Variants in PHACTR3 observed in about 807,000 individuals in gnomAD.
The protein encoded by PHACTR3 is phosphatase and actin regulator 3.
PHACTR3 carries 16 observed loss-of-function variants against 66.8 expected under a neutral mutation model. The ratio of observed to expected loss-of-function variants is 0.24; its 90% CI spans 0.16 to 0.36. The LOEUF is 0.36. PHACTR3 is among the 10% of genes least tolerant of loss of function. The pLI, the probability that PHACTR3 is intolerant of heterozygous loss-of-function variation, is 1.00. For missense variants in PHACTR3, 647 were observed against 719.9 expected, an observed-to-expected ratio of 0.90 and a Z score of 1.16; for synonymous variants, 323 against 292.1, an observed-to-expected ratio of 1.11 and a Z score of -1.08.
intron 1 of PHACTR3, among the ~76,000 whole-genome samples, chr20:59,684,922 G>T (rs986741489): frequency 6.6e-6 from 1 of 152,098 alleles, no homozygotes; most frequent in Non-Finnish European, 1.5e-5. Flanking sequence ...CATGTCCTGT[G>T]GCTCAGCACG....
chr20:59,590,069 G>A (rs556200502), intron 1 of PHACTR3, among the ~76,000 whole-genome samples: 77 of 152,314 alleles, frequency 5.1e-4, no homozygotes, highest in African/African-American at 1.8e-3. Flanking sequence ...GTGTCTGTGG[G>A]AAATATATGG....
At position 59,590,220 on chromosome 20, in the gene PHACTR3, T is replaced by C. The variant is rs531903074; in HGVS notation, c.109+12603T>C. ...ATGATGTTAGACTACAAAGATCTTT[T>C]GCAGTACAAGGAAGCCGCTGAGTGC... On this transcript the variant is annotated intron_variant, in intron 1 of 12. Transcript: ENST00000359926. Among the ~76,000 whole-genome samples, 8 of 152,360 alleles carry C rather than the reference T, an allele frequency of 5.3e-5. No individual in the cohort carries two copies. The East Asian group carries it at 1.5e-3, about 29-fold the overall frequency.
chr20:59,818,078 G>A (rs1281418226), intron 8 of PHACTR3, among the ~76,000 whole-genome samples: 3 of 152,148 alleles, frequency 2.0e-5, no homozygotes, highest in African/African-American at 2.4e-5. Context: ...CTCCTTCCTC[G>A]CATATGTGAG....
At chr20:59,779,422 A>C (rs976600435) in intron 7 of PHACTR3, among the ~76,000 whole-genome samples, 1 of 152,228 alleles carries the variant, frequency 6.6e-6, no homozygotes, top group African/African-American at 2.4e-5. Flanking sequence ...TGGTGCAGAC[A>C]ATGGTGAATA....
rs1167814989 is a variant in PHACTR3, at chr20:59,820,264, G to A, written c.1328+14070G>A. 1.3e-5 allele frequency among the ~76,000 whole-genome samples: 2 copies of A among 152,196 alleles called. No homozygotes were observed. Among genetic ancestry groups the A allele is most frequent in the African/African-American group, 4.8e-5 (2 of 41,454 alleles). ...GTTGCAAAAATGCGAAGGAGCTCAC[G>A]AGGCAGTGCTGTGAGCAGGCTCTGT... On this transcript the variant is annotated intron_variant, in intron 8 of 12. Transcript: ENST00000371015. The surrounding 1 kb of genome is among the most constrained non-coding windows in gnomAD (Gnocchi z 4.6).
chr20:59,831,437 C>T (rs1174514726), intron 8 of PHACTR3, among the ~76,000 whole-genome samples: 2 of 152,092 alleles, frequency 1.3e-5, no homozygotes, highest in Non-Finnish European at 2.9e-5. Context: ...CACACCCACG[C>T]GATGCTTTAA....
chr20:59,713,379 T>C (rs1257408237), intron 1 of PHACTR3, among the ~76,000 whole-genome samples: 1 of 152,174 alleles, frequency 6.6e-6, no homozygotes, highest in Non-Finnish European at 1.5e-5. Flanking sequence ...AATATGACCC[T>C]CACATAACAA....
At chr20:59,628,128 C>T (rs988043221) in intron 1 of PHACTR3, 9 of 152,220 alleles carry the variant, frequency 5.9e-5, no homozygotes, top group South Asian at 2.1e-4. Flanking sequence ...AAGTTTCCAA[C>T]TCATGTGGCC....
chr20:59,783,967 G>A (rs918065432), intron 7 of PHACTR3, among the ~76,000 whole-genome samples: 3 of 152,240 alleles, frequency 2.0e-5, no homozygotes, highest in African/African-American at 4.8e-5. Flanking sequence ...TGCAGGCTCC[G>A]CAAGGGTGAA....
chr20:59,634,787 C>T lies in PHACTR3; in HGVS notation c.118+29655C>T, dbSNP rs565743934. On this transcript the variant is annotated intron_variant, in intron 1 of 12. Transcript: ENST00000371015. ...TGGTCTAGGTCTGCGCCATGCCGCCCGGGATTGCGCCGCTGGCCGCAGATG... is the reference window on the plus strand; with the variant it reads ...TGGTCTAGGTCTGCGCCATGCCGCCTGGGATTGCGCCGCTGGCCGCAGATG... Among the ~76,000 whole-genome samples, 6 of 152,326 alleles carry T rather than the reference C, an allele frequency of 3.9e-5. No individual in the cohort carries two copies. The East Asian group carries it at 7.7e-4, about 20-fold the overall frequency.
At chr20:59,803,930 C>A (rs2146991253) in intron 7 of PHACTR3, among the ~76,000 whole-genome samples, 1 of 152,292 alleles carries the variant, frequency 6.6e-6, no homozygotes, top group Admixed American at 6.5e-5. Flanking sequence ...ACTGAAAGCT[C>A]TCCGTCCGTC....
At chr20:59,808,325 C>G (rs532779971) in intron 8 of PHACTR3, among the ~76,000 whole-genome samples, 4 of 152,362 alleles carry the variant, frequency 2.6e-5, no homozygotes, top group African/African-American at 9.6e-5. Context: ...TCATGCCATT[C>G]TGGCAGGGTG....
At chr20:59,740,184 G>A (rs1030570309) in intron 1 of PHACTR3, among the ~76,000 whole-genome samples, 1 of 152,230 alleles carries the variant, frequency 6.6e-6, no homozygotes, top group South Asian at 2.1e-4. Context: ...CACTGGCATG[G>A]TATGTTAATC....
chr20:59,654,979 G>A (rs915221647), intron 1 of PHACTR3, among the ~76,000 whole-genome samples: 4 of 151,928 alleles, frequency 2.6e-5, no homozygotes, highest in Admixed American at 1.3e-4. Flanking sequence ...CCAGTCTCTC[G>A]TTGCATATTT....
chr20:59,786,707 G>A (rs904334040), intron 7 of PHACTR3, among the ~76,000 whole-genome samples: 1 of 151,296 alleles, frequency 6.6e-6, no homozygotes, highest in African/African-American at 2.4e-5. Flanking sequence ...TCTCCACAGA[G>A]CACTCTCTGT....
chr20:59,813,265 G>A (rs967610402), intron 8 of PHACTR3, among the ~76,000 whole-genome samples: 3 of 152,228 alleles, frequency 2.0e-5, no homozygotes, highest in East Asian at 1.9e-4. Context: ...TCCCGGAGCA[G>A]GGCTGAGCTG....
At chr20:59,637,779 T>C (rs2034948666) in intron 1 of PHACTR3, among the ~76,000 whole-genome samples, 1 of 151,620 alleles carries the variant, frequency 6.6e-6, no homozygotes, top group Non-Finnish European at 1.5e-5. Flanking sequence ...GTGGTTGATG[T>C]GGCTGCATTC....
At chr20:59,792,815 GTTA>G (rs1208490061) in intron 7 of PHACTR3, among the ~76,000 whole-genome samples, 1 of 152,118 alleles carries the variant, frequency 6.6e-6, no homozygotes, top group African/African-American at 2.4e-5. Flanking sequence ...TGCTGCTTTA[GTTA>G]TTATACCAAA....
chr20:59,832,345 G>A (rs1207811675), intron 8 of PHACTR3, among the ~76,000 whole-genome samples: 1 of 152,206 alleles, frequency 6.6e-6, no homozygotes. Flanking sequence ...GGTAGCAGGT[G>A]GACAAAAGGG....
Sources: allele counts gnomAD v4.1 joint callset (sites outside exome capture counted in the v4.1 genomes callset), GRCh38; gene constraint gnomAD v4.1.1; non-coding constraint Gnocchi (gnomAD v3.1); transcripts MANE v1.5; gene names NCBI Gene and HGNC (gene_info 2026-07-23, HGNC 2026-07-21).